CDK14: variants seen among roughly 807,000 people sequenced by gnomAD.
The protein encoded by CDK14 is cyclin-dependent kinase 14.
In CDK14, 34 loss-of-function variants were observed where a neutral mutation model predicts 60.7. The ratio of observed to expected loss-of-function variants is 0.56; its 90% CI spans 0.43 to 0.75. The LOEUF (loss-of-function observed/expected upper bound fraction) is 0.75, where lower values mean the gene tolerates loss of function less well. CDK14 is among the 30% of genes least tolerant of loss of function. CDK14 has a pLI of 0.00. For missense variants in CDK14, 482 were observed against 564.1 expected (o/e 0.85, Z 1.47); for synonymous variants, 197 against 203.7 (o/e 0.97, Z 0.28).
In CDK14 at chr7:91,185,682, C is replaced by T. The variant is rs181052107; in HGVS notation, c.*29-21483C>T. Among the ~76,000 whole-genome samples the T allele has an allele frequency of 2.5e-3, 384 of 151,794 alleles. 2 individuals carry two copies. Among genetic ancestry groups the T allele is most frequent in the African/African-American group, 8.3e-3 (342 of 41,440 alleles). On this transcript the variant is annotated intron_variant, in intron 14 of 14. Transcript: ENST00000380050. ...TTTTACAACTTTGTTGAGATATTAC[C>T]ACATCCTAAAATCTACCCTTTAAAT...
chr7:90,942,787 G>C (rs957326436), intron 8 of CDK14, among the ~76,000 whole-genome samples: 1 of 152,148 alleles, frequency 6.6e-6, no homozygotes, highest in African/African-American at 2.4e-5. Flanking sequence ...CAAGATGCAG[G>C]TTAATTTCAC....
At chr7:90,623,980 T>C (rs1391947240) in intron 2 of CDK14, among the ~76,000 whole-genome samples, 2 of 152,192 alleles carry the variant, frequency 1.3e-5, no homozygotes, top group Non-Finnish European at 2.9e-5. Flanking sequence ...AGGAGTGTCA[T>C]TGCATATTTA....
intron 10 of CDK14, among the ~76,000 whole-genome samples, chr7:90,993,356 TC>T (rs1354034485): frequency 6.6e-6 from 1 of 152,080 alleles, no homozygotes; most frequent in African/African-American, 2.4e-5. Flanking sequence ...TATTTTATAA[TC>T]TAAGTATTTT....
intron 1 of CDK14, among the ~76,000 whole-genome samples, chr7:90,603,702 A>T (rs372845655): frequency 6.6e-6 from 1 of 152,220 alleles, no homozygotes; most frequent in South Asian, 2.1e-4. Context: ...AAAATTTATC[A>T]TGTCGAAATG....
intron 10 of CDK14, among the ~76,000 whole-genome samples, chr7:91,011,801 C>T (rs1796165801): frequency 6.6e-6 from 1 of 152,100 alleles, no homozygotes; most frequent in Non-Finnish European, 1.5e-5. Context: ...TAAAAAATCT[C>T]TTTCATACCA....
At chr7:90,655,170 C>T (rs1368666554) in intron 2 of CDK14, among the ~76,000 whole-genome samples, 3 of 152,164 alleles carry the variant, frequency 2.0e-5, no homozygotes, top group Non-Finnish European at 2.9e-5. Flanking sequence ...CAGCTCATTT[C>T]ATTTTATCAC....
chr7:90,618,087 A>G (rs1799690084), intron 2 of CDK14, among the ~76,000 whole-genome samples: 1 of 152,212 alleles, frequency 6.6e-6, no homozygotes, highest in African/African-American at 2.4e-5. Flanking sequence ...TCCTGAATAT[A>G]TACACTTGGA....
At chr7:90,740,193 T>C (rs1445383312) in intron 3 of CDK14, among the ~76,000 whole-genome samples, 1 of 151,732 alleles carries the variant, frequency 6.6e-6, no homozygotes, top group Admixed American at 6.6e-5. Flanking sequence ...CTATATTAAT[T>C]TTTGAAATAT....
intron 5 of CDK14, among the ~76,000 whole-genome samples, chr7:90,804,783 A>G (rs1486318787): frequency 6.6e-6 from 1 of 152,062 alleles, no homozygotes; most frequent in Non-Finnish European, 1.5e-5. Flanking sequence ...ATTTTGTCCT[A>G]TTTTGTCAAC....
chr7:91,095,098 G>C (rs1798942255), intron 12 of CDK14, among the ~76,000 whole-genome samples: 1 of 152,178 alleles, frequency 6.6e-6, no homozygotes, highest in Admixed American at 6.5e-5. Context: ...AGCGAGGACA[G>C]CAAACAAAAA....
chr7:90,613,226 T>C (rs1799579303), intron 2 of CDK14, among the ~76,000 whole-genome samples: 1 of 152,220 alleles, frequency 6.6e-6, no homozygotes, highest in Non-Finnish European at 1.5e-5. Flanking sequence ...TTAGTCACTT[T>C]CAATTTGTAA....
intron 14 of CDK14, among the ~76,000 whole-genome samples, chr7:91,148,393 A>G (rs559143171): frequency 2.0e-5 from 3 of 152,198 alleles, no homozygotes; most frequent in South Asian, 4.1e-4. Flanking sequence ...GAATTTGCAA[A>G]TAGATAATGA....
chr7:90,661,197 A>G (rs919402609), intron 2 of CDK14, among the ~76,000 whole-genome samples: 1 of 152,218 alleles, frequency 6.6e-6, no homozygotes, highest in African/African-American at 2.4e-5. Flanking sequence ...AAATTTGCCT[A>G]ATGCTTTTTC....
chr7:91,112,242 A>G (rs182798320), intron 12 of CDK14, among the ~76,000 whole-genome samples: 2 of 152,256 alleles, frequency 1.3e-5, no homozygotes, highest in Admixed American at 1.3e-4. Flanking sequence ...ATTATTTGAT[A>G]TGTTGTCTTC....
chr7:91,112,522 T>C lies in CDK14; in HGVS notation c.1155-20T>C. The C allele has an allele frequency of 1.2e-6, 2 of 1,606,938 alleles. No homozygotes were observed. Among genetic ancestry groups the C allele is most frequent in the East Asian group, 2.2e-5 (1 of 44,680 alleles). Reference sequence around the variant, plus strand: ...ATTTTCTTGTTTGGTCTGACCTCTCTTTTTTGCTCATGTTTTTAGGCTCAG... The same window carrying C: ...ATTTTCTTGTTTGGTCTGACCTCTCCTTTTTGCTCATGTTTTTAGGCTCAG... On this transcript the variant is annotated intron_variant, in intron 12 of 14. Coordinates refer to ENST00000380050, the MANE Select transcript of CDK14 (RefSeq NM_001287135.2).
intron 11 of CDK14, among the ~76,000 whole-genome samples, chr7:91,068,222 T>G (rs1218170947): frequency 6.6e-6 from 1 of 152,192 alleles, no homozygotes; most frequent in Non-Finnish European, 1.5e-5. Flanking sequence ...AAATTAGACA[T>G]TCCTTTGAAA....
chr7:91,008,258 A>G (rs760061400), intron 10 of CDK14, among the ~76,000 whole-genome samples: 3 of 152,058 alleles, frequency 2.0e-5, no homozygotes, highest in African/African-American at 4.8e-5. Flanking sequence ...GAAGCCAGCT[A>G]GCAACCTGAA....
At chr7:90,863,633 T>G (rs903737071) in intron 6 of CDK14, among the ~76,000 whole-genome samples, 1 of 150,468 alleles carries the variant, frequency 6.6e-6, no homozygotes, top group African/African-American at 2.4e-5. Flanking sequence ...ATTTTTGGAT[T>G]TGTAACTTGG....
intron 11 of CDK14, among the ~76,000 whole-genome samples, chr7:91,068,047 A>T (rs1423350134): frequency 2.6e-5 from 4 of 152,212 alleles, no homozygotes; most frequent in Admixed American, 6.5e-5. Context: ...ACCAAACTTT[A>T]GATAATTTTT....
Sources: gnomAD v4.1 joint callset for allele counts (sites outside exome capture counted in the v4.1 genomes callset) on GRCh38, gnomAD v4.1.1 for gene constraint, MANE v1.5 for transcripts, NCBI Gene and HGNC (gene_info 2026-07-23, HGNC 2026-07-21) for gene names.